CSMD2: variants seen among roughly 807,000 people sequenced by gnomAD.
CSMD2 encodes the protein CUB and Sushi multiple domains 2, also known as CUB and sushi domain-containing protein 2.
CSMD2 carries 130 observed loss-of-function variants against 398.5 expected under a neutral mutation model. The ratio of observed to expected loss-of-function variants is 0.33; its 90% confidence interval spans 0.28 to 0.38. The LOEUF is 0.38. Ranked by LOEUF, CSMD2 falls within the 10% of genes least tolerant of loss-of-function variation. CSMD2 has a pLI of 1.00. For missense variants in CSMD2, 3,829 were observed against 4,764.9 expected, an observed-to-expected ratio of 0.80 and a Z score of 5.78; for synonymous variants, 1,828 against 1,908.5, an observed-to-expected ratio of 0.96 and a Z score of 1.10.
intron 19 of CSMD2, among the ~76,000 whole-genome samples, chr1:33,721,454 C>A (rs182645619): frequency 1.3e-5 from 2 of 152,324 alleles, no homozygotes; most frequent in African/African-American, 4.8e-5. Flanking sequence ...GAAAAACATA[C>A]ACCTCCTGTA....
chr1:33,716,510 A>G lies in CSMD2; in HGVS notation c.3002-9T>C, dbSNP rs777714956. On this transcript the variant is annotated splice_polypyrimidine_tract_variant and intron_variant, in intron 19 of 70. Coordinates refer to ENST00000373381, the MANE Select transcript of CSMD2 (RefSeq NM_001281956.2). Reference sequence around the variant, plus strand: ...GAAAGTGAAGAACACACCTGCCAAGAGACCAGAGGGTCAGGTTGTTGATGG... The same window carrying G: ...GAAAGTGAAGAACACACCTGCCAAGGGACCAGAGGGTCAGGTTGTTGATGG... The G allele has an allele frequency of 6.2e-7, 1 of 1,606,778 alleles. No individual in the cohort carries two copies. The highest frequency in any genetic ancestry group is 1.1e-5 in the South Asian group (1 of 90,200).
intron 25 of CSMD2, among the ~76,000 whole-genome samples, chr1:33,673,563 C>G (rs1307201768): frequency 2.6e-5 from 4 of 152,076 alleles, no homozygotes; most frequent in Non-Finnish European, 5.9e-5. Context: ...GAGAACTTCC[C>G]CAATCTAGCA....
At position 33,788,722 on chromosome 1, in the gene CSMD2, G is replaced by C; in HGVS notation, c.1551-10C>G. ...CGATGTACCTGTCAGGCTGGCAGGA[G>C]AGAGATATTTAGAGGTGTGCTCTCC... is the stretch of plus-strand genomic sequence containing the variant. On this transcript the variant is annotated splice_polypyrimidine_tract_variant and intron_variant, in intron 11 of 70. Coordinates refer to ENST00000373381, the MANE Select transcript of CSMD2 (RefSeq NM_001281956.2). The C allele has an allele frequency of 6.5e-7, 1 of 1,544,200 alleles. No homozygotes were observed. The highest frequency in any genetic ancestry group is 1.4e-5 in the African/African-American group (1 of 73,576).
At chr1:33,764,999 A>G (rs1650307447) in intron 13 of CSMD2, among the ~76,000 whole-genome samples, 1 of 152,244 alleles carries the variant, frequency 6.6e-6, no homozygotes, top group Non-Finnish European at 1.5e-5. Context: ...TAAAGGTGAC[A>G]AGCAATGTAT....
At chr1:33,574,298 G>A (rs1396898464) in intron 49 of CSMD2, among the ~76,000 whole-genome samples, 1 of 152,168 alleles carries the variant, frequency 6.6e-6, no homozygotes, top group Non-Finnish European at 1.5e-5. Flanking sequence ...GCAGCAACAT[G>A]GCCAGGATTA....
At chr1:33,917,365 G>A (rs1204158838) in intron 5 of CSMD2, among the ~76,000 whole-genome samples, 1 of 152,188 alleles carries the variant, frequency 6.6e-6, no homozygotes, top group Non-Finnish European at 1.5e-5. Flanking sequence ...GAATACAAGA[G>A]AGTGTTCCAA....
In CSMD2 at chr1:33,559,451, G is replaced by C. The variant is rs952373869; in HGVS notation, c.8403C>G (p.Gly2801=). ...FCVPITCGHP[G]NPVNGLTQGN... ...CCTGAGTGAGGCCGTTGACAGGGTT[G>C]CCTGGGTGTCCACAGGTAATTGCTG... Residue 2801 remains glycine (G), a synonymous_variant, in exon 54 of 71, where the codon GGC becomes GGG. Transcript: ENST00000373381. The surrounding 1 kb of genome is among the most constrained non-coding windows in gnomAD (Gnocchi z 4.0). The C allele has an allele frequency of 3.3e-6, 5 of 1,536,044 alleles. No individual in the cohort carries two copies. In the African/African-American group the frequency reaches 6.8e-5, roughly 21 times the overall value.
chr1:33,758,259 C>T (rs1055494923), intron 13 of CSMD2, among the ~76,000 whole-genome samples: 5 of 152,174 alleles, frequency 3.3e-5, no homozygotes, highest in African/African-American at 1.2e-4. Context: ...TTCGCTCCTC[C>T]CCCACTTACC....
chr1:33,850,144 C>T (rs1191156873), intron 5 of CSMD2, among the ~76,000 whole-genome samples: 1 of 152,140 alleles, frequency 6.6e-6, no homozygotes, highest in African/African-American at 2.4e-5. Context: ...CCCTCGCTTC[C>T]TCCAAGGCTT....
At chr1:34,142,625 AAT>A (rs1639408360) in intron 1 of CSMD2, among the ~76,000 whole-genome samples, 1 of 152,316 alleles carries the variant, frequency 6.6e-6, no homozygotes, top group South Asian at 2.1e-4. Flanking sequence ...TCAGGAATGA[AAT>A]AGTGTTCCAC....
At chr1:33,575,546 G>T (rs994269671) in intron 49 of CSMD2, among the ~76,000 whole-genome samples, 2 of 152,168 alleles carry the variant, frequency 1.3e-5, no homozygotes, top group Non-Finnish European at 2.9e-5. Flanking sequence ...AAGGGCATCA[G>T]TGGGAGGCAA....
intron 3 of CSMD2, among the ~76,000 whole-genome samples, chr1:33,961,728 C>G (rs567357636): frequency 6.6e-6 from 1 of 152,160 alleles, no homozygotes; most frequent in South Asian, 2.1e-4. Context: ...TTTAAAGGAG[C>G]CTGAAATCCC....
At chr1:33,831,976 T>C (rs1659625833) in intron 6 of CSMD2, among the ~76,000 whole-genome samples, 2 of 152,246 alleles carry the variant, frequency 1.3e-5, no homozygotes, top group African/African-American at 2.4e-5. Context: ...CTTAAATATA[T>C]ATGCACCCAA....
chr1:33,810,884 C>A lies in CSMD2; in HGVS notation c.1325-20G>T. The A allele has an allele frequency of 6.2e-7, 1 of 1,607,466 alleles. No homozygotes were observed. The highest frequency in any genetic ancestry group is 8.5e-7 in the Non-Finnish European group (1 of 1,177,572). ...TGCGGGCTGCAGAGGAGATGAAAGA[C>A]AAGCCTTTGAATTAAGACTAGGTCC... On this transcript the variant is annotated intron_variant, in intron 9 of 70. Transcript: ENST00000373381.
chr1:33,633,652 T>C lies in CSMD2; in HGVS notation c.5087-117A>G. 1.4e-6 allele frequency: 1 copy of C among 731,040 alleles called. No individual in the cohort carries two copies. Among genetic ancestry groups the C allele is most frequent in the Non-Finnish European group, 2.4e-6 (1 of 421,478 alleles). The allele number at this position is 731,040 out of a possible 1,614,324, so 45.3% of individuals were successfully genotyped here. On this transcript the variant is annotated intron_variant, in intron 31 of 70. Coordinates refer to ENST00000373381, the MANE Select transcript of CSMD2 (RefSeq NM_001281956.2). The surrounding 1 kb of genome is among the most constrained non-coding windows in gnomAD (Gnocchi z 5.0). ...CAGCCCTGGGGAAGTTGTTGGTTCC[T>C]GGGCTGTGGCTTGCTGCACTGGTTA...
chr1:33,922,785 TC>T, intron 4 of CSMD2, among the ~76,000 whole-genome samples: 1 of 151,514 alleles, frequency 6.6e-6, no homozygotes, highest in African/African-American at 2.4e-5. Flanking sequence ...GTCAATCCTG[TC>T]CCCCGCCATC....
chr1:34,078,500 G>A (rs891313256), intron 2 of CSMD2, among the ~76,000 whole-genome samples: 2 of 152,150 alleles, frequency 1.3e-5, no homozygotes, highest in Admixed American at 1.3e-4. Flanking sequence ...AGGAAAGGAC[G>A]TAAACAATGT....
chr1:34,042,732 T>A (rs1453764903), intron 2 of CSMD2, among the ~76,000 whole-genome samples: 2 of 152,194 alleles, frequency 1.3e-5, no homozygotes, highest in Non-Finnish European at 2.9e-5. Flanking sequence ...CTGGCCTGCC[T>A]TTCTTTCTAC....
chr1:33,996,688 G>GGA (rs1646737614), intron 3 of CSMD2, among the ~76,000 whole-genome samples: 1 of 151,862 alleles, frequency 6.6e-6, no homozygotes, highest in Admixed American at 6.6e-5. Flanking sequence ...GATAAATCAT[G>GGA]GAATCAGTTC....
Sources: allele counts gnomAD v4.1 joint callset (sites outside exome capture counted in the v4.1 genomes callset), GRCh38; gene constraint gnomAD v4.1.1; non-coding constraint Gnocchi (gnomAD v3.1); transcripts MANE v1.5; gene names NCBI Gene and HGNC (gene_info 2026-07-23, HGNC 2026-07-21).